Variants in DHRS12 observed in about 807,000 individuals in gnomAD.
DHRS12 encodes dehydrogenase/reductase SDR family member 12.
Under a neutral mutation model 32.1 loss-of-function variants are expected in DHRS12, and 29 were observed. That is an observed-to-expected ratio of 0.90 (90% CI 0.67 to 1.23). The LOEUF is 1.23. DHRS12 is among the 50% of genes most tolerant of loss of function. The pLI, the probability that DHRS12 is intolerant of heterozygous loss-of-function variation, is 0.00. For synonymous variants in DHRS12, 150 were observed against 135.9 expected (o/e 1.10, Z -0.72); for missense variants, 330 against 337.2 (o/e 0.98, Z 0.17).
chr13:51,789,770 C>T, intron 4 of DHRS12: 1 of 985,282 alleles, frequency 1.0e-6, no homozygotes, highest in Non-Finnish European at 1.2e-6. Context: ...CAGCCTAGCG[C>T]TTCCTAGGAA....
At position 51,788,713 on chromosome 13, in the gene DHRS12, TAGTC is replaced by T. The variant is rs979321022; in HGVS notation, c.301+1294_301+1297del. Among the ~76,000 whole-genome samples, 457 of 151,942 alleles carry T rather than the reference TAGTC, an allele frequency of 3.0e-3. 1 individual carries two copies. The highest frequency in any genetic ancestry group is 0.011 in the African/African-American group (437 of 41,408). Reference sequence around the variant, plus strand: ...CAAAAAATTTTTAATTAAAAAAAATTAGTCAGGCATGGTGGTACATGCCGTAGTC... The same window carrying T: ...CAAAAAATTTTTAATTAAAAAAAATTAGGCATGGTGGTACATGCCGTAGTC... On this transcript the variant is annotated intron_variant, in intron 4 of 8. Transcript: ENST00000444610.
intron 5 of DHRS12, 138 bp from the exon 6 acceptor site, chr13:51,774,172 CTACAG>C: frequency 1.1e-5 from 7 of 661,352 alleles, no homozygotes; most frequent in East Asian, 2.7e-5. Context: ...TTGTATTCTC[CTACAG>C]TATTCTCCTA....
chr13:51,800,037 C>T (rs1955681987), intron 1 of DHRS12, among the ~76,000 whole-genome samples: 2 of 152,100 alleles, frequency 1.3e-5, no homozygotes, highest in Admixed American at 1.3e-4. Flanking sequence ...AGACCATTTG[C>T]ATTGTGCTTA....
chr13:51,765,362 G>A (rs1043911041), downstream of DHRS12: 1 of 152,110 alleles, frequency 6.6e-6, no homozygotes, highest in African/African-American at 2.4e-5. Context: ...GCCTACTTAG[G>A]TTTAACACAT....
downstream of DHRS12, chr13:51,765,336 T>TC (rs1052877474): frequency 1.3e-5 from 2 of 152,322 alleles, no homozygotes; most frequent in Admixed American, 1.3e-4. Flanking sequence ...AAGCATTATC[T>TC]CCTTTCCACC....
chr13:51,757,399 A>G, the DHRS12 span, among the ~76,000 whole-genome samples: 1 of 152,162 alleles, frequency 6.6e-6, no homozygotes, highest in African/African-American at 2.4e-5. Context: ...CTAAAAATTT[A>G]AAGTAACCAT....
intron 8 of DHRS12, chr13:51,768,785 TAC>T: frequency 8.3e-7 from 1 of 1,202,338 alleles, no homozygotes. Flanking sequence ...CAGAGTCCCT[TAC>T]ACCCTTTGCA....
At chr13:51,775,865 CCTACAGTATTCTCCTACATGTATT>C in intron 5 of DHRS12, 4 of 64,336 alleles carry the variant, frequency 6.2e-5, no homozygotes, top group Non-Finnish European at 9.1e-5. Context: ...ACAGTATTCT[CCTACAGTATTCTCCTACATGTATT>C]CTACAGTATT....
chr13:51,769,175 G>A lies in DHRS12; in HGVS notation c.678C>T (p.Pro226=), dbSNP rs774246544. The A allele has an allele frequency of 6.4e-6, 10 of 1,552,756 alleles. No homozygotes were observed. The highest frequency in any genetic ancestry group is 5.8e-5 in the Admixed American group (3 of 51,288). The change falls in exon 8 of 9, where the codon CCC becomes CCT. Residue 226 remains proline, a synonymous_variant. Transcript: ENST00000444610. ...AGTCACCTTGAAAGAAGCGGCCGCT[G>A]GGCTGTGCGGCTGCGGCAGAGGAGA... ...LALSSAAAAQ[P]SGRFFQDRKP...
downstream of DHRS12, chr13:51,767,406 G>A (rs965049699): frequency 6.6e-6 from 1 of 152,270 alleles, no homozygotes; most frequent in African/African-American, 2.4e-5. Context: ...GTCCTTGGCT[G>A]ATGATGAGCC....
chr13:51,759,768 G>C, the DHRS12 span: 1 of 1,613,444 alleles, frequency 6.2e-7, no homozygotes, highest in Admixed American at 1.7e-5. Context: ...GTCGTGTCTT[G>C]ATGACTCTCC....
At chr13:51,792,422 T>C (rs892987487) in intron 2 of DHRS12, among the ~76,000 whole-genome samples, 10 of 152,202 alleles carry the variant, frequency 6.6e-5, no homozygotes, top group Non-Finnish European at 7.4e-5. Context: ...AGAAAAAGAG[T>C]GCCACTGCAC....
chr13:51,766,872 G>T (rs895412933), downstream of DHRS12: 3 of 152,286 alleles, frequency 2.0e-5, no homozygotes, highest in African/African-American at 7.2e-5. Context: ...AGCCCTGTGG[G>T]TTCTGTCCAG....
In DHRS12 at chr13:51,799,557, G is replaced by T; in HGVS notation, c.103C>A (p.Leu35Met). 1 of 1,613,912 alleles carries T rather than the reference G, an allele frequency of 6.2e-7. No individual in the cohort carries two copies. The highest frequency in any genetic ancestry group is 8.5e-7 in the Non-Finnish European group (1 of 1,179,964). ...ACCTCGCTTGGCGATTTCAAGGGCA[G>T]TTGCTTTGCCAATGCCGCTGTTTCC... ...LEETAALAKQ[L>M]PLKSPSENIF... The change falls in exon 2 of 9, where the codon CTG becomes ATG. Residue 35 changes from leucine to methionine, a missense_variant. Transcript: ENST00000444610.
At position 51,787,934 on chromosome 13, in the gene DHRS12, T is replaced by TATATAAAAATATATAATTATATATA. The variant is rs1483347283; in HGVS notation, c.301+2076_301+2077insTATATATAATTATATATTTTTATAT. On this transcript the variant is annotated intron_variant, in intron 4 of 8. Coordinates refer to ENST00000444610, the MANE Select transcript of DHRS12 (RefSeq NM_001377533.1). ...TATAATTATATATAATATATACTTA[T>TATATAAAAATATATAATTATATATA]ATATATAATTATATATAATATACAT... 2.0e-4 allele frequency among the ~76,000 whole-genome samples: 4 copies of TATATAAAAATATATAATTATATATA among 20,252 alleles called. No homozygotes were observed. The South Asian group carries it at 3.4e-3, about 17-fold the overall frequency. 13.3% of individuals were successfully genotyped at this position (20,252 alleles called of 152,430 possible).
intron 7 of DHRS12, chr13:51,771,489 T>C (rs994458968): frequency 6.2e-7 from 1 of 1,614,028 alleles, no homozygotes; most frequent in Non-Finnish European, 8.5e-7. Context: ...CTCCTGCTCA[T>C]TCCTGTCTGA....
rs564102632 is a variant in DHRS12, at chr13:51,797,926, A to C, written c.126+1608T>G. ...TGTGCCACCTGGTGGAATTCAATGAAACCATCTGTGAGTTACAGCGAGAGC... is the reference window on the plus strand; with the variant it reads ...TGTGCCACCTGGTGGAATTCAATGACACCATCTGTGAGTTACAGCGAGAGC... On this transcript the variant is annotated intron_variant, in intron 2 of 8. Coordinates refer to ENST00000444610, the MANE Select transcript of DHRS12 (RefSeq NM_001377533.1). 1.3e-5 allele frequency: 20 copies of C among 1,535,444 alleles called. No individual in the cohort carries two copies. The South Asian group carries it at 2.1e-4, about 16-fold the overall frequency.
At chr13:51,769,046 C>T (rs1953884490) in intron 8 of DHRS12, 110 bp downstream of exon 8, 1 of 1,504,474 alleles carries the variant, frequency 6.6e-7, no homozygotes, top group South Asian at 1.3e-5. Flanking sequence ...CAGGCACCCC[C>T]CAGGGGACAG....
At chr13:51,798,729 G>A (rs12431245) in intron 2 of DHRS12, among the ~76,000 whole-genome samples, 21,472 of 150,690 alleles carry the variant, frequency 0.14, 1,866 homozygotes, top group Admixed American at 0.27. Context: ...TTTAGAGAGA[G>A]GAAAAAAGAA....
Sources: gnomAD v4.1 joint callset for allele counts (sites outside exome capture counted in the v4.1 genomes callset) on GRCh38, gnomAD v4.1.1 for gene constraint, MANE v1.5 for transcripts, NCBI Gene and HGNC (gene_info 2026-07-23, HGNC 2026-07-21) for gene names.